The following ZNF385C variants were observed in gnomAD, a reference collection of about 807,000 sequenced individuals.
ZNF385C encodes the protein CTD-2132N18.2.
Under a neutral mutation model 35.4 loss-of-function variants are expected in ZNF385C, and 28 were observed. The ratio of observed to expected loss-of-function variants is 0.79; its 90% CI spans 0.59 to 1.08. The LOEUF (loss-of-function observed/expected upper bound fraction) is 1.08, where lower values mean the gene tolerates loss of function less well. Among genes scored for constraint, ZNF385C ranks in the 50% least tolerant of loss-of-function variants. The pLI is 0.00. For missense variants in ZNF385C, 605 were observed against 595.6 expected, an observed-to-expected ratio of 1.02 and a Z score of -0.16; for synonymous variants, 248 against 248.2, an observed-to-expected ratio of 1.00 and a Z score of 0.01.
At chr17:42,063,236 T>C (rs1371966651) in intron 1 of ZNF385C, among the ~76,000 whole-genome samples, 178 bp from the exon 2 acceptor site, 1 of 152,086 alleles carries the variant, frequency 6.6e-6, no homozygotes, top group Non-Finnish European at 1.5e-5. Flanking sequence ...CAAAGCAGCA[T>C]TAAAACTTGG....
chr17:42,062,415 A>C (rs2053475952), intron 2 of ZNF385C: 1 of 170,702 alleles, frequency 5.9e-6, no homozygotes, highest in South Asian at 2.0e-4. Flanking sequence ...GCCTTCAGAG[A>C]CCACAGACCT....
At chr17:42,030,108 AAG>A (rs1450359192) in intron 5 of ZNF385C, among the ~76,000 whole-genome samples, 1 of 152,198 alleles carries the variant, frequency 6.6e-6, no homozygotes, top group Admixed American at 6.5e-5. Context: ...ACAGCAATGA[AAG>A]AGAACAAACT....
intron 4 of ZNF385C, among the ~76,000 whole-genome samples, chr17:42,032,209 C>T (rs1379442340): frequency 1.3e-5 from 2 of 152,014 alleles, no homozygotes; most frequent in Non-Finnish European, 2.9e-5. Context: ...TACAGGCGCC[C>T]GCCACCACAC....
chr17:42,041,130 A>G (rs2053009594), intron 2 of ZNF385C: 1 of 1,232,162 alleles, frequency 8.1e-7, no homozygotes, highest in African/African-American at 1.6e-5. Flanking sequence ...CCAGCCCCAC[A>G]TATGGGGATG....
chr17:42,086,942 C>G lies in ZNF385C; in HGVS notation c.-3+11468G>C, dbSNP rs530651722. On this transcript the variant is annotated intron_variant, in intron 1 of 8. Coordinates refer to ENST00000692273, the MANE Select transcript of ZNF385C (RefSeq NM_001392013.1). ...CTCCCAGGTTCAAGCAATTCTCCTG[C>G]CTCAGCCTCCCAAGTAGCTGGGATT... Among the ~76,000 whole-genome samples the G allele has an allele frequency of 2.6e-3, 392 of 151,108 alleles. 1 individual carries two copies. The highest frequency in any genetic ancestry group is 9.1e-3 in the African/African-American group (375 of 41,196).
intron 2 of ZNF385C, among the ~76,000 whole-genome samples, chr17:42,058,010 C>T (rs966178390): frequency 2.0e-5 from 3 of 152,016 alleles, no homozygotes; most frequent in South Asian, 2.1e-4. Context: ...CAGGGTAAGT[C>T]GGGGCAGTGC....
At chr17:42,033,149 T>C (rs1194603876) in intron 4 of ZNF385C, among the ~76,000 whole-genome samples, 2 of 151,994 alleles carry the variant, frequency 1.3e-5, no homozygotes, top group Non-Finnish European at 2.9e-5. Flanking sequence ...CCTTGAAACA[T>C]GGGAAAGACA....
chr17:42,079,207 TATATATATATAC>T (rs2053720163), intron 1 of ZNF385C, among the ~76,000 whole-genome samples: 3 of 122,814 alleles, frequency 2.4e-5, no homozygotes, highest in Middle Eastern at 4.9e-3. Flanking sequence ...AAAAAAAATA[TATATATATATAC>T]ATATATATAT....
At chr17:42,064,061 C>T (rs914245107) in intron 1 of ZNF385C, among the ~76,000 whole-genome samples, 35 of 142,532 alleles carry the variant, frequency 2.5e-4, no homozygotes, top group African/African-American at 8.0e-4. Flanking sequence ...CCCCAACGCG[C>T]GCACACGCAC....
chr17:42,095,276 C>G lies in ZNF385C; in HGVS notation c.-3+3134G>C, dbSNP rs2053905923. On this transcript the variant is annotated intron_variant, in intron 1 of 8. Transcript: ENST00000692273. The surrounding 1 kb of genome is among the most constrained non-coding windows in gnomAD (Gnocchi z 4.4). Reference sequence around the variant, plus strand: ...CAGGGCACTTGACTACAGTCAACACCAGCGTACCATTCATTCCCGCTGGGG... The same window carrying G: ...CAGGGCACTTGACTACAGTCAACACGAGCGTACCATTCATTCCCGCTGGGG... 6.6e-6 allele frequency among the ~76,000 whole-genome samples: 1 copy of G among 152,198 alleles called. No individual in the cohort carries two copies. Among genetic ancestry groups the G allele is most frequent in the African/African-American group, 2.4e-5 (1 of 41,444 alleles).
intron 2 of ZNF385C, chr17:42,061,867 A>T (rs1407785908): frequency 6.5e-6 from 1 of 152,976 alleles, no homozygotes; most frequent in East Asian, 1.9e-4. Context: ...CAAAAGACCC[A>T]CTCAATCTTG....
rs2052583862 is a variant in ZNF385C at position 42,026,643 on chromosome 17, G to A, written c.*254C>T. ...ACCACATGGCTGGGGCTGAGATTTTGCATAGATCTTTGGGGTCTGTCAGGG... is the reference window on the plus strand; with the variant it reads ...ACCACATGGCTGGGGCTGAGATTTTACATAGATCTTTGGGGTCTGTCAGGG... On this transcript the variant is annotated 3_prime_UTR_variant, in exon 9 of 9. Transcript: ENST00000692273. The A allele has an allele frequency of 7.2e-6, 4 of 554,350 alleles. No homozygotes were observed. The Admixed American group carries it at 1.3e-4, about 18-fold the overall frequency. 34.3% of individuals were successfully genotyped at this position (554,350 alleles called of 1,614,324 possible).
intron 2 of ZNF385C, among the ~76,000 whole-genome samples, chr17:42,051,006 C>T (rs1555657080): frequency 1.3e-5 from 2 of 152,162 alleles, no homozygotes; most frequent in African/African-American, 4.8e-5. Context: ...TGAAGGTCTG[C>T]AGGGCGGGTC....
intron 2 of ZNF385C, among the ~76,000 whole-genome samples, chr17:42,048,676 G>C (rs2053220978): frequency 1.3e-5 from 2 of 152,190 alleles, no homozygotes; most frequent in South Asian, 4.1e-4. Flanking sequence ...TCTACATCCA[G>C]AACCTGCTCC....
In ZNF385C at chr17:42,026,077, C is replaced by G. The variant is rs2052572023; in HGVS notation, c.*820G>C. The G allele has an allele frequency of 6.6e-6, 1 of 152,126 alleles. No individual in the cohort carries two copies. Among genetic ancestry groups the G allele is most frequent in the Non-Finnish European group, 1.5e-5 (1 of 68,046 alleles). 9.4% of individuals were successfully genotyped at this position (152,126 alleles called of 1,614,324 possible). On this transcript the variant is annotated 3_prime_UTR_variant, in exon 9 of 9. Transcript: ENST00000692273. ...GAGCTTCTGAGGGATGAGTTACTCCCTCAATATTAAGACTGGGCTTATCAG... is the reference window on the plus strand; with the variant it reads ...GAGCTTCTGAGGGATGAGTTACTCCGTCAATATTAAGACTGGGCTTATCAG...
intron 1 of ZNF385C, among the ~76,000 whole-genome samples, chr17:42,071,231 A>G (rs2053620137): frequency 6.6e-6 from 1 of 152,202 alleles, no homozygotes; most frequent in Admixed American, 6.5e-5. Context: ...GTGGTGACAG[A>G]GGAAGCCTGT....
intron 2 of ZNF385C, among the ~76,000 whole-genome samples, chr17:42,058,868 G>T (rs1315730928): frequency 6.6e-6 from 1 of 152,198 alleles, no homozygotes; most frequent in African/African-American, 2.4e-5. Context: ...TGTTGGCCAG[G>T]CTGGTCTCGA....
chr17:42,082,769 C>CA (rs782787764), intron 1 of ZNF385C, among the ~76,000 whole-genome samples: 38 of 152,048 alleles, frequency 2.5e-4, no homozygotes, highest in Non-Finnish European at 4.4e-4. Context: ...CCTGTCTTTA[C>CA]AAAAAATACA....
chr17:42,083,130 G>GT, intron 1 of ZNF385C, among the ~76,000 whole-genome samples: 1 of 151,892 alleles, frequency 6.6e-6, no homozygotes, highest in East Asian at 1.9e-4. Flanking sequence ...AGTGGCAAAT[G>GT]TAAGAAACCA....
Sources: allele counts gnomAD v4.1 joint callset (sites outside exome capture counted in the v4.1 genomes callset), GRCh38; gene constraint gnomAD v4.1.1; non-coding constraint Gnocchi (gnomAD v3.1); transcripts MANE v1.5; gene names NCBI Gene and HGNC (gene_info 2026-07-23, HGNC 2026-07-21).